Variants in KCNQ1OT1 observed in about 807,000 individuals in gnomAD.
KCNQ1OT1 encodes the protein KCNQ1 antisense RNA 2 (non-protein coding).
At position 2,626,407 on chromosome 11, in the gene KCNQ1OT1, C is replaced by T; in HGVS notation, n.73588G>A. On this transcript the variant is annotated non_coding_transcript_exon_variant, in exon 1 of 1. Transcript: ENST00000597346. The surrounding 1 kb of genome is among the most constrained non-coding windows in gnomAD (Gnocchi z 4.0). ...CCTATTGAATGGTCTTGGCACTCTT[C>T]TCAGGAATCATTTGATCATGTATAC... The T allele has an allele frequency of 2.5e-6, 1 of 398,640 alleles. No homozygotes were observed. The highest frequency in any genetic ancestry group is 4.4e-6 in the Non-Finnish European group (1 of 226,084). 24.7% of individuals were successfully genotyped at this position (398,640 alleles called of 1,614,324 possible).
chr11:2,660,130 T>G (rs1231091576), exon 1 of KCNQ1OT1: 4 of 398,364 alleles, frequency 1.0e-5, no homozygotes, highest in African/African-American at 8.2e-5. Flanking sequence ...TCCAAGGTCC[T>G]GGAGATTTTC....
At chr11:2,610,715 G>A (rs1258113004) in exon 1 of KCNQ1OT1, 2 of 332,336 alleles carry the variant, frequency 6.0e-6, no homozygotes, top group African/African-American at 6.4e-5. Flanking sequence ...TTCTTGGTTG[G>A]CTTTTTTTTT....
Position 2,652,346 on chromosome 11 carries a change from C to A in KCNQ1OT1, n.47649G>T. 2 of 398,600 alleles carry A rather than the reference C, an allele frequency of 5.0e-6. No individual in the cohort carries two copies. The highest frequency in any genetic ancestry group is 8.8e-6 in the Non-Finnish European group (2 of 226,072). The allele number at this position is 398,600 out of a possible 1,614,324, so 24.7% of individuals were successfully genotyped here. A position where few individuals can be genotyped will look rare whatever the true frequency, so the allele number is the denominator to read the frequency against. ...GAAGTTAAGAACTGGCACATTTCCG[C>A]GATGTTGTGATGAAGGTGAAAAGAT... On this transcript the variant is annotated non_coding_transcript_exon_variant, in exon 1 of 1. Coordinates refer to ENST00000597346, the Ensembl canonical transcript of KCNQ1OT1. The surrounding 1 kb of genome is among the most constrained non-coding windows in gnomAD (Gnocchi z 5.9).
rs2133837678 is a variant in KCNQ1OT1 at position 2,647,320 on chromosome 11, A to G, written n.52675T>C. On this transcript the variant is annotated non_coding_transcript_exon_variant, in exon 1 of 1. Transcript: ENST00000597346. This position sits in a 1 kb window ranked among gnomAD's most constrained non-coding sequence, Gnocchi z 4.0. ...TGAACCATCCTTGAATCCCTGGGAT[A>G]AATCCCACTTGATTATGGTGTATTA... is the stretch of plus-strand genomic sequence containing the variant. The G allele has an allele frequency of 2.5e-6, 1 of 398,562 alleles. No individual in the cohort carries two copies. The highest frequency in any genetic ancestry group is 2.1e-5 in the African/African-American group (1 of 48,760). 24.7% of individuals were successfully genotyped at this position (398,562 alleles called of 1,614,324 possible).
chr11:2,681,642 C>T, exon 1 of KCNQ1OT1: 1 of 346,724 alleles, frequency 2.9e-6, no homozygotes, highest in Admixed American at 4.9e-5. Flanking sequence ...CAACCTATCT[C>T]TCCCTCTCTC....
At chr11:2,684,056 T>A (rs1290688452) in exon 1 of KCNQ1OT1, 3 of 398,568 alleles carry the variant, frequency 7.5e-6, no homozygotes, top group Non-Finnish European at 1.3e-5. Context: ...ATCAAGACAT[T>A]GTTTAGAGTA....
chr11:2,609,268 TTC>T (rs1848935191), exon 1 of KCNQ1OT1: 2 of 398,242 alleles, frequency 5.0e-6, no homozygotes, highest in South Asian at 2.5e-4. Context: ...CCCTTGTGAA[TTC>T]TTTCACCCAT....
exon 1 of KCNQ1OT1, chr11:2,662,687 G>A (rs768960029): frequency 1.4e-4 from 57 of 403,546 alleles, no homozygotes; most frequent in Middle Eastern, 6.3e-4. Flanking sequence ...GGTGCCCAGC[G>A]GTGACAGCCG....
exon 1 of KCNQ1OT1, chr11:2,697,275 T>C (rs1850693296): frequency 2.5e-6 from 1 of 398,606 alleles, no homozygotes; most frequent in Non-Finnish European, 4.4e-6. Context: ...CTTTTAAGAA[T>C]ACAACAAGTC....
exon 1 of KCNQ1OT1, chr11:2,630,692 G>A (rs1849338587): frequency 2.5e-6 from 1 of 398,214 alleles, no homozygotes; most frequent in Non-Finnish European, 4.4e-6. Flanking sequence ...ACTTTCATAT[G>A]TTTTCATGTT....
exon 1 of KCNQ1OT1, chr11:2,641,220 T>C (rs1490187985): frequency 2.5e-6 from 1 of 398,382 alleles, no homozygotes; most frequent in Non-Finnish European, 4.4e-6. Flanking sequence ...TATTTCTCTT[T>C]TTAGGTTTTT....
rs1264449029 is a variant in KCNQ1OT1, at chr11:2,653,478, C to T, written n.46517G>A. On this transcript the variant is annotated non_coding_transcript_exon_variant, in exon 1 of 1. Transcript: ENST00000597346. The surrounding 1 kb of genome is among the most constrained non-coding windows in gnomAD (Gnocchi z 5.3). The stretch of plus-strand genomic sequence containing the variant: ...CTCACACAGCTGGACCCAGCTGTTT[C>T]AGACACAGCTGGACCCCAGAGCTGA... 2.5e-6 allele frequency: 1 copy of T among 397,566 alleles called. No individual in the cohort carries two copies. Among genetic ancestry groups the T allele is most frequent in the African/African-American group, 2.1e-5 (1 of 47,998 alleles). 24.6% of individuals were successfully genotyped at this position (397,566 alleles called of 1,614,324 possible).
chr11:2,614,949 A>G, exon 1 of KCNQ1OT1: 1 of 398,468 alleles, frequency 2.5e-6, no homozygotes, highest in Non-Finnish European at 4.4e-6. Context: ...TGGGATTTTG[A>G]TAAGGGTTGC....
rs1848987848 is a variant in KCNQ1OT1, at chr11:2,612,169, A to C, written n.87826T>G. On this transcript the variant is annotated non_coding_transcript_exon_variant, in exon 1 of 1. Transcript: ENST00000597346. The surrounding 1 kb of genome is among the most constrained non-coding windows in gnomAD (Gnocchi z 5.5). The stretch of plus-strand genomic sequence containing the variant: ...ATTAGAAACTGGGCTACACAGCAGG[A>C]GGTGAGCAGCAGGCAAGCAAGCATT... 1 of 398,652 alleles carries C rather than the reference A, an allele frequency of 2.5e-6. No homozygotes were observed. Among genetic ancestry groups the C allele is most frequent in the Admixed American group, 4.4e-5 (1 of 22,732 alleles). 24.7% of individuals were successfully genotyped at this position (398,652 alleles called of 1,614,324 possible). A position where few individuals can be genotyped will look rare whatever the true frequency, so the allele number is the denominator to read the frequency against.
At chr11:2,633,581 T>C in exon 1 of KCNQ1OT1, 1 of 398,614 alleles carries the variant, frequency 2.5e-6, no homozygotes. Context: ...TTCTTCTGCA[T>C]ATGATATCCT....
chr11:2,665,486 G>A lies in KCNQ1OT1; in HGVS notation n.34509C>T, dbSNP rs2283182. ...AGTGGGTGGGGACGGTGCCATGCCTGTGTGCATCCCTGTGCCTTGCGTGTG... is the reference window on the plus strand; with the variant it reads ...AGTGGGTGGGGACGGTGCCATGCCTATGTGCATCCCTGTGCCTTGCGTGTG... On this transcript the variant is annotated non_coding_transcript_exon_variant, in exon 1 of 1. Transcript: ENST00000597346. 0.016 allele frequency: 6,291 copies of A among 395,904 alleles called. 169 individuals carry two copies. The highest frequency in any genetic ancestry group is 0.079 in the East Asian group (2,213 of 27,922). The allele number at this position is 395,904 out of a possible 1,614,324, so 24.5% of individuals were successfully genotyped here. A position where few individuals can be genotyped will look rare whatever the true frequency, so the allele number is the denominator to read the frequency against.
At chr11:2,622,812 GC>G (rs1353888933) in exon 1 of KCNQ1OT1, 1 of 398,502 alleles carries the variant, frequency 2.5e-6, no homozygotes, top group African/African-American at 2.1e-5. Context: ...TACATACAGA[GC>G]TTTTCCCATT....
At chr11:2,662,331 A>AC (rs1849974891) in exon 1 of KCNQ1OT1, 4 of 575,160 alleles carry the variant, frequency 7.0e-6, no homozygotes, top group Admixed American at 6.1e-5. Context: ...ATCATTTTCC[A>AC]CTTGTTTTCA....
exon 1 of KCNQ1OT1, chr11:2,637,801 A>G (rs1169744971): frequency 2.0e-5 from 3 of 152,148 alleles, no homozygotes; most frequent in Admixed American, 2.0e-4. Context: ...GTCTCCCATT[A>G]TTATTGTGTG....
Sources: allele counts gnomAD v4.1 joint callset, GRCh38; gene constraint gnomAD v4.1.1; non-coding constraint Gnocchi (gnomAD v3.1); transcripts MANE v1.5; gene names NCBI Gene and HGNC (gene_info 2026-07-23, HGNC 2026-07-21).